Variants in CORIN observed in about 807,000 individuals in gnomAD.
CORIN encodes atrial natriuretic peptide-converting enzyme.
A neutral mutation model predicts 125.3 loss-of-function variants in CORIN; 117 were observed. The observed-to-expected ratio is 0.93, with a 90% CI of 0.80 to 1.09. The LOEUF is 1.09. Ranked by LOEUF, CORIN falls within the 50% of genes least tolerant of loss-of-function variation. The pLI is 0.00. For synonymous variants in CORIN, 450 were observed against 466.4 expected, an observed-to-expected ratio of 0.96 and a Z score of 0.45; for missense variants, 1,253 against 1,306.7, an observed-to-expected ratio of 0.96 and a Z score of 0.63.
intron 5 of CORIN, among the ~76,000 whole-genome samples, chr4:47,717,877 G>A (rs1286062685): frequency 6.6e-6 from 1 of 152,178 alleles, no homozygotes; most frequent in Non-Finnish European, 1.5e-5. Context: ...GCAGAAGATA[G>A]TGGGAATGTT....
intron 4 of CORIN, among the ~76,000 whole-genome samples, chr4:47,762,147 A>T (rs1314275454): frequency 9.9e-5 from 15 of 152,104 alleles, no homozygotes. Context: ...TAGTATTCTT[A>T]AAAAATGCTA....
chr4:47,618,819 C>CA (rs34913715), intron 19 of CORIN, among the ~76,000 whole-genome samples: 85 of 128,244 alleles, frequency 6.6e-4, no homozygotes, highest in South Asian at 4.5e-3. Context: ...CTCTGTCTCA[C>CA]AAAAAAAAAA....
At chr4:47,769,223 C>A (rs942339734) in intron 3 of CORIN, among the ~76,000 whole-genome samples, 1 of 151,926 alleles carries the variant, frequency 6.6e-6, no homozygotes, top group African/African-American at 2.4e-5. Context: ...ACCAGTTCTG[C>A]TTTTATACAT....
At chr4:47,697,004 G>A (rs964141175) in intron 5 of CORIN, among the ~76,000 whole-genome samples, 9 of 152,224 alleles carry the variant, frequency 5.9e-5, no homozygotes, top group East Asian at 1.9e-4. Context: ...ACTCCACCTC[G>A]GAAGAGAAAG....
intron 3 of CORIN, among the ~76,000 whole-genome samples, chr4:47,781,071 G>A (rs1730524536): frequency 6.6e-6 from 1 of 151,608 alleles, no homozygotes; most frequent in South Asian, 2.1e-4. Context: ...ACAGAAGTAG[G>A]TCTTCATCAG....
intron 5 of CORIN, among the ~76,000 whole-genome samples, chr4:47,699,596 G>A (rs1453907371): frequency 6.6e-6 from 1 of 152,206 alleles, no homozygotes; most frequent in East Asian, 1.9e-4. Context: ...ATACGTGCAA[G>A]TTAGATATCT....
chr4:47,810,227 G>T (rs1001412080), intron 1 of CORIN, among the ~76,000 whole-genome samples: 2 of 151,966 alleles, frequency 1.3e-5, no homozygotes, highest in African/African-American at 4.8e-5. Context: ...TCACTCTGTC[G>T]CCCAGGCTGG....
intron 5 of CORIN, among the ~76,000 whole-genome samples, chr4:47,739,789 G>C (rs907850940): frequency 3.3e-5 from 5 of 151,790 alleles, no homozygotes; most frequent in African/African-American, 1.2e-4. Flanking sequence ...TATACATAAT[G>C]GTACAAAGAA....
chr4:47,823,499 A>G (rs1401839921), intron 1 of CORIN, among the ~76,000 whole-genome samples: 1 of 152,250 alleles, frequency 6.6e-6, no homozygotes, highest in African/African-American at 2.4e-5. Flanking sequence ...CTCAGCAGAA[A>G]GAGCTATATG....
At chr4:47,640,266 G>A (rs1431557461) in intron 16 of CORIN, among the ~76,000 whole-genome samples, 3 of 152,078 alleles carry the variant, frequency 2.0e-5, no homozygotes, top group Non-Finnish European at 4.4e-5. Context: ...TGTCTGAATG[G>A]ATAAACAAAA....
chr4:47,745,416 A>T lies in CORIN; in HGVS notation c.618-833T>A, dbSNP rs553322719. Among the ~76,000 whole-genome samples the T allele has an allele frequency of 7.9e-5, 12 of 152,304 alleles. No homozygotes were observed. The South Asian group carries it at 2.5e-3, about 32-fold the overall frequency. On this transcript the variant is annotated intron_variant, in intron 4 of 21. Transcript: ENST00000273857. Reference sequence around the variant, plus strand: ...TAGTTTTAAGGAAACTGGGAAAGAAAATAGACATGTCAGTTAAATCAAAGC... The same window carrying T: ...TAGTTTTAAGGAAACTGGGAAAGAATATAGACATGTCAGTTAAATCAAAGC...
intron 8 of CORIN, chr4:47,679,422 G>A (rs1326840652): frequency 8.6e-5 from 13 of 151,750 alleles, no homozygotes; most frequent in Admixed American, 8.5e-4. Flanking sequence ...GGAGGGCAAT[G>A]GCTTGATCTT....
In CORIN at chr4:47,609,419, T is replaced by C. The variant is rs1053935017; in HGVS notation, c.2541-5751A>G. On this transcript the variant is annotated intron_variant, in intron 19 of 21. Transcript: ENST00000273857. ...CATGCCTGGCTAATTTTTGTATTTT[T>C]AGTAGAGACAGGGTTTCACCATGTT... 7.2e-5 allele frequency among the ~76,000 whole-genome samples: 11 copies of C among 152,244 alleles called. No homozygotes were observed. In the South Asian group the frequency reaches 1.0e-3, roughly 14 times the overall value.
At chr4:47,726,345 C>T (rs536400225) in intron 5 of CORIN, among the ~76,000 whole-genome samples, 76 of 152,106 alleles carry the variant, frequency 5.0e-4, no homozygotes, top group African/African-American at 1.7e-3. Context: ...TGAGGTACAG[C>T]CATACAATGG....
intron 3 of CORIN, among the ~76,000 whole-genome samples, chr4:47,767,842 C>A (rs952397933): frequency 6.6e-6 from 1 of 152,126 alleles, no homozygotes; most frequent in Non-Finnish European, 1.5e-5. Flanking sequence ...GGATAAATTC[C>A]TGGGCACATA....
chr4:47,722,564 G>A (rs1004802900), intron 5 of CORIN, among the ~76,000 whole-genome samples: 2 of 152,156 alleles, frequency 1.3e-5, no homozygotes, highest in Non-Finnish European at 2.9e-5. Flanking sequence ...AATGTTGTCA[G>A]AGAAGATATT....
At chr4:47,797,999 T>G (rs1731374188) in intron 2 of CORIN, among the ~76,000 whole-genome samples, 1 of 152,148 alleles carries the variant, frequency 6.6e-6, no homozygotes, top group Admixed American at 6.5e-5. Context: ...ATAATTTAAC[T>G]TTCTTATTTT....
chr4:47,685,353 T>C (rs908823801), intron 6 of CORIN, among the ~76,000 whole-genome samples: 2 of 152,188 alleles, frequency 1.3e-5, no homozygotes, highest in African/African-American at 4.8e-5. Flanking sequence ...AAACTACCAA[T>C]ATATGTGACA....
intron 5 of CORIN, among the ~76,000 whole-genome samples, chr4:47,733,246 G>T (rs935154138): frequency 1.3e-4 from 20 of 152,296 alleles, no homozygotes; most frequent in African/African-American, 4.8e-4. Flanking sequence ...AGCAATAGAG[G>T]TTTAAAGGGC....
Sources: allele counts gnomAD v4.1 joint callset (sites outside exome capture counted in the v4.1 genomes callset), GRCh38; gene constraint gnomAD v4.1.1; transcripts MANE v1.5; gene names NCBI Gene and HGNC (gene_info 2026-07-23, HGNC 2026-07-21).